KLRG1: variants seen among roughly 807,000 people sequenced by gnomAD.
KLRG1 encodes killer cell lectin-like receptor subfamily G member 1.
KLRG1 carries 16 observed loss-of-function variants against 21.8 expected under a neutral mutation model. The observed-to-expected ratio is 0.73, with a 90% CI of 0.50 to 1.11. The LOEUF (loss-of-function observed/expected upper bound fraction) is 1.11, where lower values mean the gene tolerates loss of function less well. Among genes scored for constraint, KLRG1 ranks in the 50% most tolerant of loss-of-function variants. KLRG1 has a pLI of 0.00. For synonymous variants in KLRG1, 69 were observed against 75.9 expected, an observed-to-expected ratio of 0.91 and a Z score of 0.47; for missense variants, 173 against 218.3, an observed-to-expected ratio of 0.79 and a Z score of 1.31.
At chr12:9,190,460 A>T in the KLRG1 span, among the ~76,000 whole-genome samples, 7 of 152,132 alleles carry the variant, frequency 4.6e-5, no homozygotes, top group African/African-American at 7.2e-5. Context: ...AACATAATGG[A>T]TACAAAGAGG....
At chr12:9,137,861 G>C in the KLRG1 span, among the ~76,000 whole-genome samples, 4 of 151,988 alleles carry the variant, frequency 2.6e-5, no homozygotes, top group Non-Finnish European at 4.4e-5. Flanking sequence ...TTTGTAAGTT[G>C]ATTTTGTAGC....
At chr12:9,184,937 C>T in the KLRG1 span, among the ~76,000 whole-genome samples, 1 of 152,192 alleles carries the variant, frequency 6.6e-6, no homozygotes, top group African/African-American at 2.4e-5. Flanking sequence ...AAAACAACAG[C>T]AGTTTCTAAG....
intron 1 of KLRG1, among the ~76,000 whole-genome samples, chr12:8,980,452 C>A (rs114293638): frequency 0.014 from 2,090 of 152,144 alleles, 40 homozygotes; most frequent in African/African-American, 0.043. Context: ...GTCATATTTT[C>A]TTAATTTTTT....
chr12:8,962,892 T>A (rs187967022), intron 1 of KLRG1, among the ~76,000 whole-genome samples: 18 of 152,192 alleles, frequency 1.2e-4, no homozygotes, highest in Admixed American at 1.0e-3. Context: ...AGGACAAATT[T>A]GGCCCAAATT....
the KLRG1 span, among the ~76,000 whole-genome samples, chr12:9,204,731 A>G: frequency 2.0e-5 from 3 of 152,180 alleles, no homozygotes; most frequent in African/African-American, 4.8e-5. Flanking sequence ...TAATATTAGT[A>G]TGTCCATGTT....
the KLRG1 span, among the ~76,000 whole-genome samples, chr12:9,078,802 TA>T: frequency 2.0e-5 from 3 of 152,336 alleles, no homozygotes; most frequent in Admixed American, 6.5e-5. Context: ...TTTAGGGATT[TA>T]AAAAAATGTT....
Position 8,989,561 on chromosome 12 carries a change from T to C in KLRG1, c.-75T>C. The C allele has an allele frequency of 1.1e-6, 1 of 911,110 alleles. No homozygotes were observed. The highest frequency in any genetic ancestry group is 2.6e-5 in the East Asian group (1 of 38,752). 56.4% of individuals were successfully genotyped at this position (911,110 alleles called of 1,614,324 possible). A position where few individuals can be genotyped will look rare whatever the true frequency, so the allele number is the denominator to read the frequency against. ...CTAGCAGTTTAGAGATTGGGCTGTT[T>C]CCTCACTGATACATATCCCTTCACA... On this transcript the variant is annotated 5_prime_UTR_variant, in exon 1 of 5. Transcript: ENST00000356986.
At chr12:9,138,036 C>T in the KLRG1 span, among the ~76,000 whole-genome samples, 2 of 151,984 alleles carry the variant, frequency 1.3e-5, no homozygotes, top group South Asian at 4.1e-4. Flanking sequence ...ACTGTTCTGG[C>T]TAGGGCTTTG....
chr12:9,103,585 C>A, the KLRG1 span, among the ~76,000 whole-genome samples: 1 of 152,136 alleles, frequency 6.6e-6, no homozygotes, highest in Non-Finnish European at 1.5e-5. Flanking sequence ...TTTCCCTAGC[C>A]CTTGGCAACC....
At chr12:9,025,741 C>A in the KLRG1 span, among the ~76,000 whole-genome samples, 2 of 152,156 alleles carry the variant, frequency 1.3e-5, no homozygotes, top group African/African-American at 4.8e-5. Flanking sequence ...GAAGAAGTAA[C>A]CTTGGGTAGA....
At chr12:9,111,695 T>C in the KLRG1 span, among the ~76,000 whole-genome samples, 1 of 152,178 alleles carries the variant, frequency 6.6e-6, no homozygotes, top group Non-Finnish European at 1.5e-5. Context: ...GACTTTGGGT[T>C]GATGTCTGCA....
the KLRG1 span, among the ~76,000 whole-genome samples, chr12:9,143,137 A>C: frequency 6.6e-6 from 1 of 152,220 alleles, no homozygotes; most frequent in Non-Finnish European, 1.5e-5. Context: ...TATGTAAATA[A>C]TATACCAAGT....
rs58657247 is a variant in KLRG1 at position 9,001,403 on chromosome 12, G to A, written c.357+6115G>A. ...TTGGCTGAAAATCGCAGAGGGCCTT[G>A]ACCGCTCTGTGACCCGCCCAGCTAC... On this transcript the variant is annotated intron_variant, in intron 3 of 4. Coordinates refer to ENST00000356986, the MANE Select transcript of KLRG1 (RefSeq NM_005810.4). Among the ~76,000 whole-genome samples, 306 of 152,230 alleles carry A rather than the reference G, an allele frequency of 2.0e-3. 1 individual carries two copies. The highest frequency in any genetic ancestry group is 7.2e-3 in the African/African-American group (299 of 41,520).
At chr12:9,150,581 A>G in the KLRG1 span, 1,606 of 1,092,732 alleles carry the variant, frequency 1.5e-3, 3 homozygotes, top group Non-Finnish European at 2.0e-3. Flanking sequence ...AAGAGGATCA[A>G]CTGTCACAAC....
chr12:9,104,111 T>G, the KLRG1 span: 1 of 919,134 alleles, frequency 1.1e-6, no homozygotes, highest in Non-Finnish European at 1.6e-6. Context: ...TAACCTTCAA[T>G]CGGTTTCTAA....
the KLRG1 span, chr12:9,109,721 C>T: frequency 1.3e-6 from 1 of 766,140 alleles, no homozygotes; most frequent in African/African-American, 1.7e-5. Flanking sequence ...CACTGATGTC[C>T]TCATTGGACT....
chr12:9,107,649 C>A, the KLRG1 span: 2 of 1,613,486 alleles, frequency 1.2e-6, no homozygotes, highest in South Asian at 1.1e-5. Context: ...GTGTATCTGT[C>A]ATGAGAACAT....
At chr12:9,109,604 A>G in the KLRG1 span, among the ~76,000 whole-genome samples, 1 of 152,206 alleles carries the variant, frequency 6.6e-6, no homozygotes, top group South Asian at 2.1e-4. Flanking sequence ...TGTGTGCTTA[A>G]TTAATTATGG....
At chr12:9,158,757 C>CT in the KLRG1 span, among the ~76,000 whole-genome samples, 262 of 125,418 alleles carry the variant, frequency 2.1e-3, no homozygotes, top group African/African-American at 7.2e-3. Flanking sequence ...CTTTTCTTTT[C>CT]TTTTTTTTTT....
Sources: gnomAD v4.1 joint callset for allele counts (sites outside exome capture counted in the v4.1 genomes callset) on GRCh38, gnomAD v4.1.1 for gene constraint, MANE v1.5 for transcripts, NCBI Gene and HGNC (gene_info 2026-07-23, HGNC 2026-07-21) for gene names.